SQSTM1: variants seen among roughly 807,000 people sequenced by gnomAD.
SQSTM1 encodes sequestosome 1.
Under a neutral mutation model 45.1 loss-of-function variants are expected in SQSTM1, and 36 were observed. The ratio of observed to expected loss-of-function variants is 0.80; its 90% CI spans 0.61 to 1.05. The LOEUF (loss-of-function observed/expected upper bound fraction) is 1.05. Ranked by LOEUF, SQSTM1 falls within the 50% of genes least tolerant of loss-of-function variation. The pLI is 0.00. For synonymous variants in SQSTM1, 290 were observed against 244.3 expected, an observed-to-expected ratio of 1.19 and a Z score of -1.74; for missense variants, 617 against 607.1, an observed-to-expected ratio of 1.02 and a Z score of -0.17.
In SQSTM1 at chr5:179,837,546, T is replaced by C. The variant is rs11548638; in HGVS notation, c.*953T>C. The stretch of plus-strand genomic sequence containing the variant: ...CCGCAAGGCCTCTCAGACCCAGATG[T>C]GACGGGGTGTGTGGCCCGAGGAAGC... On this transcript the variant is annotated 3_prime_UTR_variant, in exon 8 of 8. Transcript: ENST00000389805. 3.1e-6 allele frequency: 5 copies of C among 1,614,196 alleles called. No individual in the cohort carries two copies. In the African/African-American group the frequency reaches 5.3e-5, roughly 17 times the overall value.
upstream of SQSTM1, among the ~76,000 whole-genome samples, chr5:179,814,951 A>G (rs1757537442): frequency 6.6e-6 from 1 of 152,222 alleles, no homozygotes; most frequent in Non-Finnish European, 1.5e-5. Context: ...AATGTTTCCT[A>G]GCATAAAAGA....
At chr5:179,820,866 C>T (rs1050427146), upstream of SQSTM1, 1 of 1,350,972 alleles carries the variant, frequency 7.4e-7, no homozygotes, top group East Asian at 3.1e-5. Context: ...GCGGGGCCTC[C>T]GCGTTCGCTA....
upstream of SQSTM1, chr5:179,820,849 AGGCGG>A: frequency 7.9e-7 from 1 of 1,259,182 alleles, no homozygotes; most frequent in Non-Finnish European, 1.0e-6. Context: ...GCCCCTCTCG[AGGCGG>A]GGCGGGGCCT....
At position 179,833,625 on chromosome 5, in the gene SQSTM1, T is replaced by G; in HGVS notation, c.1008T>G (p.Asp336Glu). 1 of 1,614,164 alleles carries G rather than the reference T, an allele frequency of 6.2e-7. No individual in the cohort carries two copies. Among genetic ancestry groups the G allele is most frequent in the East Asian group, 2.2e-5 (1 of 44,870 alleles). Residue 336 changes from aspartate to glutamate, a missense_variant, in exon 7 of 8, where the codon GAT (aspartate) becomes GAG (glutamate). Asp to Glu is a conservative substitution (Grantham distance 45, BLOSUM62 2). Coordinates refer to ENST00000389805, the MANE Select transcript of SQSTM1 (RefSeq NM_003900.5). ...MESDNCSGGD[D>E]DWTHLSSKEV... The stretch of plus-strand genomic sequence containing the variant: ...CGGATAACTGTTCAGGAGGAGATGA[T>G]GACTGGACCCATCTGTCTTCAAAAG...
chr5:179,833,007 T>C (rs1270440700), intron 5 of SQSTM1, 25 bp from the exon 6 acceptor site: 6 of 1,613,606 alleles, frequency 3.7e-6, no homozygotes, highest in South Asian at 2.2e-5. Context: ...ACTTCACGGC[T>C]TGCTCTTTCC....
chr5:179,836,922 T>G lies in SQSTM1; in HGVS notation c.*329T>G. ...CATAGCTTGCCTAATGGCTTTCACTTTCTCTTTTGTTTTAAATGACTCATA... is the reference window on the plus strand; with the variant it reads ...CATAGCTTGCCTAATGGCTTTCACTGTCTCTTTTGTTTTAAATGACTCATA... On this transcript the variant is annotated 3_prime_UTR_variant, in exon 8 of 8. Transcript: ENST00000389805. 2 of 606,210 alleles carry G rather than the reference T, an allele frequency of 3.3e-6. No individual in the cohort carries two copies. Among genetic ancestry groups the G allele is most frequent in the Non-Finnish European group, 2.9e-6 (1 of 343,272 alleles). The allele number at this position is 606,210 out of a possible 1,614,324, so 37.6% of individuals were successfully genotyped here.
rs767842607 is a variant in SQSTM1, at chr5:179,837,563, C to T, written c.*970C>T. 4.2e-5 allele frequency: 67 copies of T among 1,614,054 alleles called. 1 individual carries two copies. Among genetic ancestry groups the T allele is most frequent in the South Asian group, 1.8e-4 (16 of 91,088 alleles). Reference sequence around the variant, plus strand: ...CCCAGATGTGACGGGGTGTGTGGCCCGAGGAAGCTGGACAGCGGCAGTGGG... The same window carrying T: ...CCCAGATGTGACGGGGTGTGTGGCCTGAGGAAGCTGGACAGCGGCAGTGGG... On this transcript the variant is annotated 3_prime_UTR_variant, in exon 8 of 8. Transcript: ENST00000389805.
chr5:179,821,294 C>A (rs1393041760), intron 1 of SQSTM1, among the ~76,000 whole-genome samples, 153 bp downstream of exon 1: 1 of 152,196 alleles, frequency 6.6e-6, no homozygotes, highest in Non-Finnish European at 1.5e-5. Flanking sequence ...CTGCATGGGT[C>A]CCCAGTTCGG....
intron 1 of SQSTM1, chr5:179,822,431 CAT>C (rs1757816406): frequency 4.5e-6 from 1 of 221,464 alleles, no homozygotes; most frequent in Non-Finnish European, 9.3e-6. Flanking sequence ...CATTTCAGCT[CAT>C]ATGTATCTGT....
rs370822125 is a variant in SQSTM1, at chr5:179,828,101, C to CT, written c.754+2883dup. Among the ~76,000 whole-genome samples, 9 of 152,088 alleles carry CT rather than the reference C, an allele frequency of 5.9e-5. No individual in the cohort carries two copies. The East Asian group carries it at 9.7e-4, about 16-fold the overall frequency. On this transcript the variant is annotated intron_variant, in intron 5 of 7. Transcript: ENST00000389805. ...AGCAGGGCACGGAGCATCGTCTAGT[C>CT]TTTTTTTTAAGTGAAAGCACATTTC...
In SQSTM1 at chr5:179,837,724, G is replaced by C. The variant is rs368323623; in HGVS notation, c.*1131G>C. On this transcript the variant is annotated 3_prime_UTR_variant, in exon 8 of 8. Coordinates refer to ENST00000389805, the MANE Select transcript of SQSTM1 (RefSeq NM_003900.5). Reference sequence around the variant, plus strand: ...CATGTGAACTTTTTCTAGGTGGCAGGACAAATTGCGCCCATTTAGAGGATG... The same window carrying C: ...CATGTGAACTTTTTCTAGGTGGCAGCACAAATTGCGCCCATTTAGAGGATG... 8 of 1,614,252 alleles carry C rather than the reference G, an allele frequency of 5.0e-6. No homozygotes were observed. The highest frequency in any genetic ancestry group is 6.8e-6 in the Non-Finnish European group (8 of 1,180,050).
Position 179,837,305 on chromosome 5 carries a change from TC to T in SQSTM1, c.*713del. The T allele has an allele frequency of 1.2e-6, 2 of 1,600,802 alleles. No individual in the cohort carries two copies. The highest frequency in any genetic ancestry group is 1.7e-6 in the Non-Finnish European group (2 of 1,173,668). On this transcript the variant is annotated 3_prime_UTR_variant, in exon 8 of 8. Coordinates refer to ENST00000389805, the MANE Select transcript of SQSTM1 (RefSeq NM_003900.5). ...TGACAGTAAGTTTATTGTTAATGGTTCTTACAGAGTATCTTTAAAAGTGCCT... is the reference window on the plus strand; with the variant it reads ...TGACAGTAAGTTTATTGTTAATGGTTTTACAGAGTATCTTTAAAAGTGCCT...
chr5:179,829,572 G>A (rs1758129646), intron 5 of SQSTM1, among the ~76,000 whole-genome samples: 1 of 152,086 alleles, frequency 6.6e-6, no homozygotes, highest in Non-Finnish European at 1.5e-5. Flanking sequence ...GGATAACAAA[G>A]GGAACAGAAT....
intron 5 of SQSTM1, among the ~76,000 whole-genome samples, chr5:179,828,246 T>TA (rs1220037356): frequency 6.6e-6 from 1 of 152,180 alleles, no homozygotes; most frequent in Non-Finnish European, 1.5e-5. Flanking sequence ...CCTAATTCTA[T>TA]AATTTCTCTG....
Position 179,836,926 on chromosome 5 carries a change from CTT to C in SQSTM1, c.*336_*337del. 2 of 606,976 alleles carry C rather than the reference CTT, an allele frequency of 3.3e-6. No individual in the cohort carries two copies. The highest frequency in any genetic ancestry group is 5.8e-6 in the Non-Finnish European group (2 of 343,968). 37.6% of individuals were successfully genotyped at this position (606,976 alleles called of 1,614,324 possible). On this transcript the variant is annotated 3_prime_UTR_variant, in exon 8 of 8. Coordinates refer to ENST00000389805, the MANE Select transcript of SQSTM1 (RefSeq NM_003900.5). ...GCTTGCCTAATGGCTTTCACTTTCTCTTTTGTTTTAAATGACTCATAGGTCCC... is the reference window on the plus strand; with the variant it reads ...GCTTGCCTAATGGCTTTCACTTTCTCTTGTTTTAAATGACTCATAGGTCCC...
intron 7 of SQSTM1, among the ~76,000 whole-genome samples, chr5:179,834,973 G>A (rs1758453493): frequency 1.3e-5 from 2 of 151,844 alleles, no homozygotes; most frequent in Admixed American, 6.6e-5. Flanking sequence ...CTTCCCAGTA[G>A]GGGCGGCCGG....
At chr5:179,829,703 C>T (rs1266947999) in intron 5 of SQSTM1, among the ~76,000 whole-genome samples, 1 of 22,362 alleles carries the variant, frequency 4.5e-5, no homozygotes, top group East Asian at 3.3e-3. Flanking sequence ...CTTTCCTCTC[C>T]TCCTAATGTA....
chr5:179,833,358 AGCT>A (rs914023854), intron 6 of SQSTM1, 112 bp downstream of exon 6: 64 of 1,126,980 alleles, frequency 5.7e-5, no homozygotes, highest in Middle Eastern at 2.8e-4. Context: ...AACCCGAGGG[AGCT>A]GCTGCTGCTG....
chr5:179,828,822 A>G (rs1758103302), intron 5 of SQSTM1, among the ~76,000 whole-genome samples: 1 of 151,962 alleles, frequency 6.6e-6, no homozygotes, highest in African/African-American at 2.4e-5. Context: ...GCTTACACAA[A>G]AAAGAAAACA....
Sources: allele counts gnomAD v4.1 joint callset (sites outside exome capture counted in the v4.1 genomes callset), GRCh38; gene constraint gnomAD v4.1.1; transcripts MANE v1.5; gene names NCBI Gene and HGNC (gene_info 2026-07-23, HGNC 2026-07-21).